CFAP61: variants seen among roughly 807,000 people sequenced by gnomAD.
CFAP61 encodes the protein cilia and flagella associated protein 61, also known as cilia- and flagella-associated protein 61.
A neutral mutation model predicts 135.6 loss-of-function variants in CFAP61; 107 were observed. The observed-to-expected ratio is 0.79, with a 90% CI of 0.67 to 0.93. CFAP61 has a LOEUF of 0.93. CFAP61 is among the 40% of genes least tolerant of loss of function. The pLI is 0.00. For synonymous variants in CFAP61, 575 were observed against 578.5 expected (o/e 0.99, Z 0.09); for missense variants, 1,507 against 1,556.2 (o/e 0.97, Z 0.53).
intron 2 of CFAP61, among the ~76,000 whole-genome samples, chr20:20,064,545 C>T (rs1031379453): frequency 6.6e-6 from 1 of 152,100 alleles, no homozygotes; most frequent in East Asian, 1.9e-4. Flanking sequence ...CAGTGTGGAT[C>T]TGCTGGACAG....
chr20:20,262,804 G>GTT (rs397865640), intron 20 of CFAP61, 152 bp from the exon 21 acceptor site: 658 of 143,808 alleles, frequency 4.6e-3, no homozygotes, highest in Non-Finnish European at 5.1e-3. Context: ...CTGTTTTTGT[G>GTT]TTTTTTTTTT....
Position 20,302,132 on chromosome 20 carries a change from A to G in CFAP61, c.3422+3746A>G, listed in dbSNP as rs61660128. On this transcript the variant is annotated intron_variant, in intron 25 of 26. Transcript: ENST00000245957. ...TTTGATATGATCCAAGATGCTTTAT[A>G]TTATTTTTTCTGTTTTAAATGTCAT... Among the ~76,000 whole-genome samples, 649 of 152,252 alleles carry G rather than the reference A, an allele frequency of 4.3e-3. 7 individuals carry two copies. Among genetic ancestry groups the G allele is most frequent in the African/African-American group, 0.015 (607 of 41,580 alleles).
At position 20,196,631 on chromosome 20, in the gene CFAP61, A is replaced by G. The variant is rs2056308256; in HGVS notation, c.1652A>G (p.Gln551Arg). The change falls in exon 16 of 27, where the codon CAG (glutamine) becomes CGG (arginine). Residue 551 changes from glutamine to arginine, a missense_variant. Transcript: ENST00000245957. ...GATTTCATCTACTTCAGTCACCACC[A>G]GCGCGAAGAACACGGGCACATGCAT... ...IEDFIYFSHHQREEHGHMHHF... is the reference protein window; with the variant it reads ...IEDFIYFSHHRREEHGHMHHF... 6.2e-7 allele frequency: 1 copy of G among 1,614,188 alleles called. No homozygotes were observed. The highest frequency in any genetic ancestry group is 8.5e-7 in the Non-Finnish European group (1 of 1,180,028).
chr20:20,217,519 T>C (rs17400417), intron 17 of CFAP61, among the ~76,000 whole-genome samples: 9,898 of 152,292 alleles, frequency 0.065, 364 homozygotes, highest in Middle Eastern at 0.13. Flanking sequence ...TGAAAAGTTG[T>C]ATCTGTGGAA....
chr20:20,174,417 A>G (rs1341083283), intron 13 of CFAP61, among the ~76,000 whole-genome samples: 1 of 152,212 alleles, frequency 6.6e-6, no homozygotes, highest in African/African-American at 2.4e-5. Flanking sequence ...CATGCTTATC[A>G]CCATTAGGGG....
intron 8 of CFAP61, among the ~76,000 whole-genome samples, chr20:20,118,253 G>GTTTGTTTGTTTCTTTC (rs1555872842): frequency 1.0e-4 from 14 of 138,610 alleles, no homozygotes; most frequent in African/African-American, 3.6e-4. Context: ...TTTGAGGTAT[G>GTTTGTTTGTTTCTTTC]TTTCTTTCTT....
intron 24 of CFAP61, among the ~76,000 whole-genome samples, chr20:20,294,937 A>AAATAATAATAATAATAAT (rs11474551): frequency 1.4e-5 from 2 of 142,906 alleles, no homozygotes; most frequent in African/African-American, 5.2e-5. Flanking sequence ...TCCGTCTCAA[A>AAATAATAATAATAATAAT]AATAATAATA....
intron 25 of CFAP61, among the ~76,000 whole-genome samples, chr20:20,341,022 T>G (rs775237877): frequency 5.3e-5 from 8 of 152,064 alleles, no homozygotes; most frequent in Admixed American, 2.0e-4. Flanking sequence ...CCCATTCACG[T>G]GGGGGCACCA....
At chr20:20,261,475 T>G (rs1007356) in intron 20 of CFAP61, among the ~76,000 whole-genome samples, 104,483 of 152,042 alleles carry the variant, frequency 0.69, 36,223 homozygotes, top group East Asian at 0.96. Flanking sequence ...AGTGGGTATC[T>G]GCCAAAGGCC....
At chr20:20,277,015 T>A in intron 21 of CFAP61, 151 bp from the exon 22 acceptor site, 1 of 577,162 alleles carries the variant, frequency 1.7e-6, no homozygotes, top group Non-Finnish European at 3.0e-6. Context: ...CTTTACTAAA[T>A]GATCTTGGTC....
At chr20:20,118,285 CTTTCTTTCTTTCTTTCTTTCT>C (rs1400144717) in intron 8 of CFAP61, among the ~76,000 whole-genome samples, 2 of 134,312 alleles carry the variant, frequency 1.5e-5, no homozygotes, top group African/African-American at 5.4e-5. Context: ...TTCTTTCTTT[CTTTCTTTCTTTCTTTCTTTCT>C]TTTCTTTCTT....
intron 18 of CFAP61, among the ~76,000 whole-genome samples, chr20:20,238,463 T>C (rs1200122278): frequency 6.6e-6 from 1 of 152,246 alleles, no homozygotes; most frequent in African/African-American, 2.4e-5. Context: ...TGTGGGATAA[T>C]AATTTTTTCT....
intron 9 of CFAP61, among the ~76,000 whole-genome samples, chr20:20,156,359 C>T (rs1016571130): frequency 2.0e-5 from 3 of 152,002 alleles, no homozygotes; most frequent in Admixed American, 2.0e-4. Flanking sequence ...ACATTAATTC[C>T]TCATAAAGAC....
chr20:20,115,946 A>G (rs903438688), intron 8 of CFAP61, among the ~76,000 whole-genome samples: 1 of 152,194 alleles, frequency 6.6e-6, no homozygotes, highest in Non-Finnish European at 1.5e-5. Flanking sequence ...TTTCTTTTGA[A>G]TATATACCTA....
chr20:20,057,885 TTTTG>T (rs893086625), intron 2 of CFAP61, among the ~76,000 whole-genome samples: 1 of 151,822 alleles, frequency 6.6e-6, no homozygotes, highest in Non-Finnish European at 1.5e-5. Context: ...GCCTAGCTGT[TTTTG>T]TTTGTTTGTT....
intron 8 of CFAP61, among the ~76,000 whole-genome samples, chr20:20,110,435 G>T (rs1180177687): frequency 5.3e-5 from 8 of 152,098 alleles, no homozygotes; most frequent in Admixed American, 3.9e-4. Flanking sequence ...TCCAAGGAAA[G>T]AAATCTGCAA....
chr20:20,172,593 C>T (rs758215798), intron 13 of CFAP61, among the ~76,000 whole-genome samples: 3 of 152,176 alleles, frequency 2.0e-5, no homozygotes, highest in Non-Finnish European at 4.4e-5. Flanking sequence ...GTTGCAATTA[C>T]AGGTGTGAGG....
intron 18 of CFAP61, 78 bp downstream of exon 18, chr20:20,228,454 C>A: frequency 8.0e-7 from 1 of 1,253,316 alleles, no homozygotes; most frequent in Non-Finnish European, 1.1e-6. Flanking sequence ...AGAACACCAT[C>A]AGAGAACAGA....
chr20:20,063,104 C>T (rs1250164760), intron 2 of CFAP61, among the ~76,000 whole-genome samples: 1 of 152,182 alleles, frequency 6.6e-6, no homozygotes, highest in African/African-American at 2.4e-5. Flanking sequence ...TAAATCCTCC[C>T]GCCAATAAAA....
Sources: allele counts gnomAD v4.1 joint callset (sites outside exome capture counted in the v4.1 genomes callset), GRCh38; gene constraint gnomAD v4.1.1; transcripts MANE v1.5; gene names NCBI Gene and HGNC (gene_info 2026-07-23, HGNC 2026-07-21).